Variants in RAB4A observed in about 807,000 individuals in gnomAD.
RAB4A encodes RAB4A, member RAS oncogene family.
Under a neutral mutation model 34.5 loss-of-function variants are expected in RAB4A, and 20 were observed. That is an observed-to-expected ratio of 0.58 (90% CI 0.41 to 0.84). The LOEUF is 0.84. RAB4A is among the 40% of genes least tolerant of loss of function. The pLI, the probability that RAB4A is intolerant of heterozygous loss-of-function variation, is 0.00. For synonymous variants in RAB4A, 102 were observed against 100.0 expected, an observed-to-expected ratio of 1.02 and a Z score of -0.12; for missense variants, 228 against 274.5, an observed-to-expected ratio of 0.83 and a Z score of 1.20.
At chr1:229,277,754 G>C (rs1173565023) in intron 1 of RAB4A, among the ~76,000 whole-genome samples, 1 of 151,178 alleles carries the variant, frequency 6.6e-6, no homozygotes, top group Admixed American at 6.6e-5. Flanking sequence ...CACCTCTTCA[G>C]GTACTCACTT....
intron 3 of RAB4A, among the ~76,000 whole-genome samples, chr1:229,289,605 C>T (rs953223291): frequency 6.6e-6 from 1 of 152,174 alleles, no homozygotes; most frequent in Non-Finnish European, 1.5e-5. Flanking sequence ...CACCTGAGGT[C>T]AGGAGTTCAA....
rs538360703 is a variant in RAB4A at position 229,284,571 on chromosome 1, C to T, written c.32-1915C>T. ...TCTCAGCCCTGTGAAGATAGTACCCCGTTGCTTTCGGACCTTTGGAATCAA... is the reference window on the plus strand; with the variant it reads ...TCTCAGCCCTGTGAAGATAGTACCCTGTTGCTTTCGGACCTTTGGAATCAA... On this transcript the variant is annotated intron_variant, in intron 1 of 7. Coordinates refer to ENST00000366690, the MANE Select transcript of RAB4A (RefSeq NM_004578.4). Among the ~76,000 whole-genome samples, 10 of 152,278 alleles carry T rather than the reference C, an allele frequency of 6.6e-5. No individual in the cohort carries two copies. In the East Asian group the frequency reaches 1.7e-3, roughly 26 times the overall value.
intron 1 of RAB4A, among the ~76,000 whole-genome samples, chr1:229,283,535 G>A (rs149295759): frequency 2.1e-3 from 326 of 152,236 alleles, no homozygotes; most frequent in African/African-American, 7.4e-3. Flanking sequence ...CAGAGAGCAG[G>A]CTTTTGCTAG....
chr1:229,274,049 C>CTTTTTTTTTTTTTTTTTTTTTTTTTTTT (rs11339660), intron 1 of RAB4A, among the ~76,000 whole-genome samples: 1 of 86,846 alleles, frequency 1.2e-5, no homozygotes, highest in Non-Finnish European at 2.1e-5. Flanking sequence ...TTTTGTTTCC[C>CTTTTTTTTTTTTTTTTTTTTTTTTTTTT]TTTTTTTTTT....
rs369909116 is a variant in RAB4A, at chr1:229,271,347, A to T, written c.8A>T (p.Gln3Leu). 2.3e-6 allele frequency: 3 copies of T among 1,298,058 alleles called. No homozygotes were observed. In the East Asian group the frequency reaches 9.6e-5, roughly 41 times the overall value. 80.4% of individuals were successfully genotyped at this position (1,298,058 alleles called of 1,614,324 possible). The change falls in exon 1 of 8, where the codon CAG (glutamine) becomes CTG (leucine). Residue 3 changes from glutamine to leucine, a missense_variant. Transcript: ENST00000366690. MS[Q>L]TAMSETYDFL... ...GGCGGCGCCGCTCCCAAGATGTCGC[A>T]GACGGCCATGTCCGAAACCTACGGT...
At chr1:229,286,026 T>C (rs1441111220) in intron 1 of RAB4A, among the ~76,000 whole-genome samples, 3 of 152,258 alleles carry the variant, frequency 2.0e-5, no homozygotes, top group Non-Finnish European at 4.4e-5. Flanking sequence ...AATCTGCAAG[T>C]GCAGACAAAA....
chr1:229,282,959 TC>T (rs1656813574), intron 1 of RAB4A, among the ~76,000 whole-genome samples: 1 of 152,264 alleles, frequency 6.6e-6, no homozygotes, highest in Non-Finnish European at 1.5e-5. Context: ...TTACCTTTTT[TC>T]GTTCAGTTTG....
At chr1:229,301,143 C>T (rs1221967467) in intron 6 of RAB4A, among the ~76,000 whole-genome samples, 2 of 152,016 alleles carry the variant, frequency 1.3e-5, no homozygotes, top group African/African-American at 4.8e-5. Flanking sequence ...GCTGGCCGTC[C>T]GTTAGGAAGA....
At position 229,296,625 on chromosome 1, in the gene RAB4A, A is replaced by G. The variant is rs558911923; in HGVS notation, c.290+715A>G. Among the ~76,000 whole-genome samples the G allele has an allele frequency of 5.9e-5, 9 of 152,302 alleles. No individual in the cohort carries two copies. In the South Asian group the frequency reaches 1.9e-3, roughly 32 times the overall value. On this transcript the variant is annotated intron_variant, in intron 4 of 7. Coordinates refer to ENST00000366690, the MANE Select transcript of RAB4A (RefSeq NM_004578.4). The stretch of plus-strand genomic sequence containing the variant: ...ATTCAGCAGTGCTGATCTCAGTAGC[A>G]CTGTCTTAGAAATGTGTCATCTAAA...
At chr1:229,300,146 G>A (rs905337847) in intron 6 of RAB4A, among the ~76,000 whole-genome samples, 2 of 152,214 alleles carry the variant, frequency 1.3e-5, no homozygotes, top group East Asian at 1.9e-4. Flanking sequence ...CTCTGGAGAC[G>A]CTGAACTAAT....
chr1:229,303,453 G>T (rs746664617), intron 7 of RAB4A, among the ~76,000 whole-genome samples: 3 of 152,168 alleles, frequency 2.0e-5, no homozygotes, highest in Non-Finnish European at 2.9e-5. Context: ...TTATGCTCTT[G>T]TTCAGAAAGA....
At chr1:229,285,445 A>G (rs1320309673) in intron 1 of RAB4A, among the ~76,000 whole-genome samples, 1 of 152,218 alleles carries the variant, frequency 6.6e-6, no homozygotes, top group Non-Finnish European at 1.5e-5. Flanking sequence ...GAAACGTGAC[A>G]GAGCTAGGCC....
At position 229,288,800 on chromosome 1, in the gene RAB4A, G is replaced by A. The variant is rs752998244; in HGVS notation, c.184G>A (p.Val62Ile). Residue 62 changes from valine (V) to isoleucine (I), a missense_variant, in exon 3 of 8, where the codon GTA (valine) becomes ATA (isoleucine). Val to Ile is a conservative substitution (Grantham distance 29, BLOSUM62 3). Coordinates refer to ENST00000366690, the MANE Select transcript of RAB4A (RefSeq NM_004578.4). ...SKIINVGGKY[V>I]KLQIWDTAGQ... ...GATAATAAATGTTGGTGGTAAATAT[G>A]TAAAGTTACAAATATGGGATACAGC... The A allele has an allele frequency of 4.5e-5, 72 of 1,593,906 alleles. 1 individual carries two copies. The highest frequency in any genetic ancestry group is 6.1e-5 in the Non-Finnish European group (71 of 1,162,584).
At chr1:229,273,524 G>C (rs1656557364) in intron 1 of RAB4A, among the ~76,000 whole-genome samples, 1 of 152,236 alleles carries the variant, frequency 6.6e-6, no homozygotes, top group Admixed American at 6.5e-5. Flanking sequence ...CGGATCACTT[G>C]AGCTCAGGAG....
At chr1:229,283,437 G>T (rs1181553104) in intron 1 of RAB4A, among the ~76,000 whole-genome samples, 1 of 152,178 alleles carries the variant, frequency 6.6e-6, no homozygotes, top group Non-Finnish European at 1.5e-5. Flanking sequence ...CATAGTTTTT[G>T]CTGTGGTGCT....
chr1:229,298,692 A>T (rs1336492908), intron 5 of RAB4A, among the ~76,000 whole-genome samples: 1 of 152,216 alleles, frequency 6.6e-6, no homozygotes, highest in Non-Finnish European at 1.5e-5. Flanking sequence ...CTCCTTTCTG[A>T]TGGGCTGTCA....
At chr1:229,281,955 T>TA (rs1656790175) in intron 1 of RAB4A, among the ~76,000 whole-genome samples, 1 of 151,868 alleles carries the variant, frequency 6.6e-6, no homozygotes, top group African/African-American at 2.4e-5. Flanking sequence ...CTTAAACAGT[T>TA]AAACATAATG....
intron 2 of RAB4A, among the ~76,000 whole-genome samples, 198 bp downstream of exon 2, chr1:229,286,764 A>G (rs946910632): frequency 1.3e-5 from 2 of 152,234 alleles, no homozygotes. Context: ...GGTTCAGTAT[A>G]TGGTTACTTC....
intron 1 of RAB4A, among the ~76,000 whole-genome samples, chr1:229,276,071 C>T (rs548010440): frequency 6.6e-6 from 1 of 151,522 alleles, no homozygotes; most frequent in Non-Finnish European, 1.5e-5. Flanking sequence ...AACACCAAAA[C>T]AAAGGACATT....
Sources: gnomAD v4.1 joint callset for allele counts (sites outside exome capture counted in the v4.1 genomes callset) on GRCh38, gnomAD v4.1.1 for gene constraint, MANE v1.5 for transcripts, NCBI Gene and HGNC (gene_info 2026-07-23, HGNC 2026-07-21) for gene names.